Variants in MANBAL observed in about 807,000 individuals in gnomAD.
MANBAL encodes the protein protein MANBAL.
Under a neutral mutation model 6.4 loss-of-function variants are expected in MANBAL, and 1 was observed. The observed-to-expected ratio is 0.16, with a 90% CI of 0.06 to 0.74. The LOEUF (loss-of-function observed/expected upper bound fraction) is 0.74. Among genes scored for constraint, MANBAL ranks in the 30% least tolerant of loss-of-function variants. The pLI is 0.78. For missense variants in MANBAL, 100 were observed against 107.8 expected (o/e 0.93, Z 0.32); for synonymous variants, 47 against 45.8 (o/e 1.03, Z -0.10).
intron 2 of MANBAL, among the ~76,000 whole-genome samples, chr20:37,309,182 G>T (rs984499777): frequency 6.6e-6 from 1 of 152,210 alleles, no homozygotes; most frequent in African/African-American, 2.4e-5. Context: ...TCCTGGGAGT[G>T]CTGGCTTCCT....
In MANBAL at chr20:37,308,415, G is replaced by T. The variant is rs372022742; in HGVS notation, c.150+7002G>T. Among the ~76,000 whole-genome samples, 10 of 152,296 alleles carry T rather than the reference G, an allele frequency of 6.6e-5. No homozygotes were observed. In the East Asian group the frequency reaches 1.4e-3, roughly 21 times the overall value. ...GAGCACATGTGACACCAGTTCCCTG[G>T]AGAGGATTGGGGAAAGCCAGCCTAG... On this transcript the variant is annotated intron_variant, in intron 2 of 2. Transcript: ENST00000373606.
At chr20:37,306,952 G>A (rs1434377748) in intron 2 of MANBAL, among the ~76,000 whole-genome samples, 1 of 152,080 alleles carries the variant, frequency 6.6e-6, no homozygotes, top group Non-Finnish European at 1.5e-5. Context: ...TGAAGCCTTG[G>A]ATCAGTATTT....
At chr20:37,316,150 G>A (rs1351398891) in intron 2 of MANBAL, among the ~76,000 whole-genome samples, 158 bp from the exon 3 acceptor site, 1 of 152,224 alleles carries the variant, frequency 6.6e-6, no homozygotes. Flanking sequence ...CGATGCTCCG[G>A]GGCAGTCCCA....
At chr20:37,293,044 C>T (rs763258490) in intron 1 of MANBAL, among the ~76,000 whole-genome samples, 1 of 152,220 alleles carries the variant, frequency 6.6e-6, no homozygotes, top group African/African-American at 2.4e-5. Flanking sequence ...TAACTGATGT[C>T]CAACTCTTAT....
rs200212053 is a variant in MANBAL, at chr20:37,304,480, C to G, written c.150+3067C>G. Among the ~76,000 whole-genome samples, 5 of 152,228 alleles carry G rather than the reference C, an allele frequency of 3.3e-5. No individual in the cohort carries two copies. In the East Asian group the frequency reaches 9.6e-4, roughly 29 times the overall value. The stretch of plus-strand genomic sequence containing the variant: ...CTTTGTTTCTTTTTGAAAACAGTAA[C>G]AAATGCATATATATGTGTATGGTGT... On this transcript the variant is annotated intron_variant, in intron 2 of 2. Coordinates refer to ENST00000373606, the MANE Select transcript of MANBAL (RefSeq NM_001003897.2).
At position 37,316,506 on chromosome 20, in the gene MANBAL, C is replaced by G. The variant is rs1274111053; in HGVS notation, c.*91C>G. ...ACATTGTGTTCCCCCGCATTCCAGGCTCAGGGTCTGAGGAGGCTGTGACGC... is the reference window on the plus strand; with the variant it reads ...ACATTGTGTTCCCCCGCATTCCAGGGTCAGGGTCTGAGGAGGCTGTGACGC... On this transcript the variant is annotated 3_prime_UTR_variant, in exon 3 of 3. Coordinates refer to ENST00000373606, the MANE Select transcript of MANBAL (RefSeq NM_001003897.2). The G allele has an allele frequency of 3.4e-6, 4 of 1,185,054 alleles. No individual in the cohort carries two copies. Among genetic ancestry groups the G allele is most frequent in the Non-Finnish European group, 4.8e-6 (4 of 835,600 alleles). 73.4% of individuals were successfully genotyped at this position (1,185,054 alleles called of 1,614,324 possible). A position where few individuals can be genotyped will look rare whatever the true frequency, so the allele number is the denominator to read the frequency against.
In MANBAL at chr20:37,290,107, A is replaced by C. The variant is rs116456369; in HGVS notation, c.-57+421A>C. ...CTCAGTTTCGTCTTCTAAAATGGAC[A>C]TACACGCTTGTACTGCGGGGTAAAC... is the stretch of plus-strand genomic sequence containing the variant. On this transcript the variant is annotated intron_variant, in intron 1 of 2. Transcript: ENST00000373606. Among the ~76,000 whole-genome samples, 1,505 of 152,318 alleles carry C rather than the reference A, an allele frequency of 9.9e-3. 30 individuals are homozygous for C. Among genetic ancestry groups the C allele is most frequent in the African/African-American group, 0.033 (1,384 of 41,562 alleles).
At chr20:37,290,091 G>A (rs2068830890) in intron 1 of MANBAL, among the ~76,000 whole-genome samples, 1 of 152,186 alleles carries the variant, frequency 6.6e-6, no homozygotes, top group African/African-American at 2.4e-5. Context: ...CCTCAGTTTC[G>A]TCTTCTAAAA....
chr20:37,290,110 C>T (rs2030143450), intron 1 of MANBAL, among the ~76,000 whole-genome samples: 2 of 152,244 alleles, frequency 1.3e-5, no homozygotes, highest in African/African-American at 4.8e-5. Context: ...AATGGACATA[C>T]ACGCTTGTAC....
At chr20:37,302,970 T>A (rs2069171879) in intron 2 of MANBAL, among the ~76,000 whole-genome samples, 1 of 152,148 alleles carries the variant, frequency 6.6e-6, no homozygotes, top group African/African-American at 2.4e-5. Flanking sequence ...TGGAGTGCAG[T>A]GGCACAATCA....
intron 2 of MANBAL, among the ~76,000 whole-genome samples, chr20:37,311,628 C>T (rs1030605137): frequency 5.9e-5 from 9 of 152,174 alleles, no homozygotes; most frequent in African/African-American, 2.2e-4. Context: ...GCTGGGATTA[C>T]AGGCATGCAC....
chr20:37,293,873 C>T (rs1245635536), intron 1 of MANBAL, among the ~76,000 whole-genome samples: 1 of 152,232 alleles, frequency 6.6e-6, no homozygotes, highest in East Asian at 1.9e-4. Context: ...ACTACCCTTT[C>T]AGTGAAGTTG....
chr20:37,297,103 G>A (rs529234545), intron 1 of MANBAL: 1 of 152,338 alleles, frequency 6.6e-6, no homozygotes, highest in East Asian at 1.9e-4. Flanking sequence ...GAGAAATGAG[G>A]ACGCGTTCTT....
Position 37,316,741 on chromosome 20 carries a change from G to GC in MANBAL, c.*331dup. ...TTAGTCATGTGTCCCTCCTTGAGTTGCCCCCTCCTTGTGGGTTTACACTAC... is the reference window on the plus strand; with the variant it reads ...TTAGTCATGTGTCCCTCCTTGAGTTGCCCCCCTCCTTGTGGGTTTACACTAC... On this transcript the variant is annotated 3_prime_UTR_variant, in exon 3 of 3. Coordinates refer to ENST00000373606, the MANE Select transcript of MANBAL (RefSeq NM_001003897.2). 4.4e-6 allele frequency: 1 copy of GC among 227,388 alleles called. No homozygotes were observed. Among genetic ancestry groups the GC allele is most frequent in the Non-Finnish European group, 8.7e-6 (1 of 114,872 alleles). The allele number at this position is 227,388 out of a possible 1,614,324, so 14.1% of individuals were successfully genotyped here. A position where few individuals can be genotyped will look rare whatever the true frequency, so the allele number is the denominator to read the frequency against.
At chr20:37,295,273 A>G (rs575457059) in intron 1 of MANBAL, among the ~76,000 whole-genome samples, 29 of 152,376 alleles carry the variant, frequency 1.9e-4, no homozygotes, top group Admixed American at 1.8e-3. Context: ...GATGTACCCA[A>G]GATCCTTGCT....
intron 2 of MANBAL, among the ~76,000 whole-genome samples, chr20:37,313,484 C>T (rs2069436627): frequency 6.6e-6 from 1 of 152,206 alleles, no homozygotes; most frequent in Non-Finnish European, 1.5e-5. Flanking sequence ...GCGGGTGGAT[C>T]ACTGGAGGTT....
chr20:37,297,148 G>A (rs750181140), intron 1 of MANBAL: 1 of 152,216 alleles, frequency 6.6e-6, no homozygotes, highest in African/African-American at 2.4e-5. Context: ...GGTGCTGGTA[G>A]AGGCTGTTAC....
chr20:37,301,144 A>G (rs2069125200), intron 1 of MANBAL, 64 bp from the exon 2 acceptor site: 3 of 967,004 alleles, frequency 3.1e-6, no homozygotes, highest in Non-Finnish European at 2.7e-6. Context: ...TCATAAATAA[A>G]TAAATAAATA....
chr20:37,297,769 A>C (rs189537715), intron 1 of MANBAL, among the ~76,000 whole-genome samples: 1 of 151,822 alleles, frequency 6.6e-6, no homozygotes, highest in Non-Finnish European at 1.5e-5. Context: ...CAGCCTCCCA[A>C]GTAGCTGGGA....
Sources: allele counts gnomAD v4.1 joint callset (sites outside exome capture counted in the v4.1 genomes callset), GRCh38; gene constraint gnomAD v4.1.1; transcripts MANE v1.5; gene names NCBI Gene and HGNC (gene_info 2026-07-23, HGNC 2026-07-21).